The following DCC variants were observed in gnomAD, a reference collection of about 807,000 sequenced individuals.
DCC encodes the protein DCC netrin 1 receptor.
DCC carries 58 observed loss-of-function variants against 172.5 expected under a neutral mutation model. The ratio of observed to expected loss-of-function variants is 0.34; its 90% CI spans 0.27 to 0.42. The LOEUF (loss-of-function observed/expected upper bound fraction) is 0.42. DCC is among the 10% of genes least tolerant of loss of function. The pLI is 1.00. For missense variants in DCC, 1,740 were observed against 1,791.0 expected (o/e 0.97, Z 0.51); for synonymous variants, 709 against 644.5 (o/e 1.10, Z -1.52).
At chr18:53,510,714 T>C (rs1212963970) in intron 27 of DCC, among the ~76,000 whole-genome samples, 1 of 152,248 alleles carries the variant, frequency 6.6e-6, no homozygotes, top group Non-Finnish European at 1.5e-5. Context: ...TATATTTATA[T>C]TGGCTCCCCA....
intron 2 of DCC, among the ~76,000 whole-genome samples, chr18:52,832,664 T>G (rs970994166): frequency 5.3e-5 from 8 of 152,150 alleles, no homozygotes; most frequent in Admixed American, 5.2e-4. Flanking sequence ...AGATAGTTAT[T>G]CCACTATTAT....
intron 1 of DCC, among the ~76,000 whole-genome samples, chr18:52,531,189 G>A (rs1180916696): frequency 6.6e-6 from 1 of 152,168 alleles, no homozygotes; most frequent in Non-Finnish European, 1.5e-5. Flanking sequence ...CATTTGAACT[G>A]ATGAGTCAAG....
At chr18:53,082,267 C>A (rs192696827) in intron 7 of DCC, among the ~76,000 whole-genome samples, 1 of 152,136 alleles carries the variant, frequency 6.6e-6, no homozygotes, top group East Asian at 1.9e-4. Flanking sequence ...TATAAACTCA[C>A]CTTGCAAGCA....
intron 22 of DCC, among the ~76,000 whole-genome samples, chr18:53,444,623 G>A (rs143737340): frequency 9.8e-5 from 15 of 152,298 alleles, no homozygotes; most frequent in East Asian, 7.7e-4. Context: ...TCTGTGACTC[G>A]CTGAAGGTTC....
chr18:53,452,129 T>C (rs2045422274), intron 23 of DCC, among the ~76,000 whole-genome samples: 1 of 152,150 alleles, frequency 6.6e-6, no homozygotes, highest in African/African-American at 2.4e-5. Context: ...AAGTAACTAA[T>C]TGAGTAAGGC....
At chr18:53,040,205 T>C (rs1410424446) in intron 5 of DCC, among the ~76,000 whole-genome samples, 1 of 152,044 alleles carries the variant, frequency 6.6e-6, no homozygotes, top group East Asian at 1.9e-4. Context: ...CTAAAATTTA[T>C]TGAACAGTTA....
intron 1 of DCC, among the ~76,000 whole-genome samples, chr18:52,404,660 C>CTTT (rs752326763): frequency 5.0e-5 from 7 of 140,784 alleles, no homozygotes; most frequent in South Asian, 2.2e-4. Flanking sequence ...TTTTTGTTTT[C>CTTT]TTTTTTTTTT....
intron 1 of DCC, among the ~76,000 whole-genome samples, chr18:52,356,470 G>A (rs184891063): frequency 2.6e-5 from 4 of 152,262 alleles, no homozygotes; most frequent in Admixed American, 6.5e-5. Flanking sequence ...CCAAAGGGCA[G>A]GTAGCCCAGC....
intron 7 of DCC, among the ~76,000 whole-genome samples, chr18:53,153,161 G>T (rs2054671452): frequency 1.3e-5 from 2 of 152,098 alleles, no homozygotes; most frequent in Admixed American, 1.3e-4. Context: ...AAACTTATTT[G>T]TCTAACTTCT....
At chr18:53,008,259 T>G (rs998006763) in intron 5 of DCC, among the ~76,000 whole-genome samples, 2 of 152,082 alleles carry the variant, frequency 1.3e-5, no homozygotes, top group African/African-American at 4.8e-5. Flanking sequence ...CTTTGCTCAG[T>G]TATTTCGCGG....
intron 12 of DCC, among the ~76,000 whole-genome samples, chr18:53,295,196 A>T (rs1337178857): frequency 6.6e-6 from 1 of 152,136 alleles, no homozygotes; most frequent in Admixed American, 6.6e-5. Flanking sequence ...TCTACATGAA[A>T]TTACGGATCT....
At chr18:53,099,595 TTC>T in intron 7 of DCC, among the ~76,000 whole-genome samples, 1 of 152,240 alleles carries the variant, frequency 6.6e-6, no homozygotes, top group African/African-American at 2.4e-5. Context: ...ACTTGCCCAG[TTC>T]TTTAATAATA....
chr18:53,102,711 C>A (rs2043191087), intron 7 of DCC, among the ~76,000 whole-genome samples: 1 of 152,094 alleles, frequency 6.6e-6, no homozygotes, highest in African/African-American at 2.4e-5. Flanking sequence ...GCTGACCTAA[C>A]TAATAACTTT....
intron 7 of DCC, among the ~76,000 whole-genome samples, chr18:53,134,780 A>G (rs1358068500): frequency 6.6e-6 from 1 of 152,152 alleles, no homozygotes; most frequent in Non-Finnish European, 1.5e-5. Context: ...TAAAAGACAG[A>G]CACATTAAAC....
intron 12 of DCC, among the ~76,000 whole-genome samples, chr18:53,268,043 G>A (rs1005198495): frequency 6.6e-6 from 1 of 152,100 alleles, no homozygotes; most frequent in Non-Finnish European, 1.5e-5. Context: ...TACTTTGGGG[G>A]GTAGCTGAGA....
rs202180825 is a variant in DCC, at chr18:52,925,310, A to G, written c.925A>G (p.Thr309Ala). ...NVTDDDSGMY[T>A]CVVTYKNENI... ...GACAGATGATGACAGTGGAATGTATACCTGTGTTGTCACATATAAAAATGA... is the reference window on the plus strand; with the variant it reads ...GACAGATGATGACAGTGGAATGTATGCCTGTGTTGTCACATATAAAAATGA... The change falls in exon 5 of 29, where the codon ACC becomes GCC. Residue 309 changes from threonine (T) to alanine (A), a missense_variant. Around this residue, in one of 2 missense-constraint regions of DCC, gnomAD observed 1,732 missense variants for 1,767.4 expected, o/e 0.98. Transcript: ENST00000442544. The G allele has an allele frequency of 9.3e-5, 150 of 1,612,258 alleles. No homozygotes were observed. The highest frequency in any genetic ancestry group is 1.2e-4 in the Non-Finnish European group (136 of 1,178,664).
intron 1 of DCC, among the ~76,000 whole-genome samples, chr18:52,590,028 T>C (rs1351911355): frequency 6.6e-6 from 1 of 152,212 alleles, no homozygotes; most frequent in Non-Finnish European, 1.5e-5. Flanking sequence ...CTTTCCATAA[T>C]AAAATAGCAT....
At chr18:52,935,954 A>T (rs535624046) in intron 5 of DCC, among the ~76,000 whole-genome samples, 2 of 152,096 alleles carry the variant, frequency 1.3e-5, no homozygotes, top group African/African-American at 4.8e-5. Context: ...AGTCATATAC[A>T]TTTAATGATA....
intron 14 of DCC, among the ~76,000 whole-genome samples, chr18:53,324,811 G>C (rs1210917696): frequency 6.6e-6 from 1 of 152,014 alleles, no homozygotes; most frequent in African/African-American, 2.4e-5. Flanking sequence ...AAATTTTATA[G>C]ATTTATGTTT....
Sources: allele counts gnomAD v4.1 joint callset (sites outside exome capture counted in the v4.1 genomes callset), GRCh38; gene constraint gnomAD v4.1.1; regional missense constraint gnomAD v4.1.1; transcripts MANE v1.5; gene names NCBI Gene and HGNC (gene_info 2026-07-23, HGNC 2026-07-21).